The following WDR19 variants were observed in gnomAD, a reference collection of about 807,000 sequenced individuals.
WDR19 encodes WD repeat-containing protein 19.
In WDR19, 121 loss-of-function variants were observed where a neutral mutation model predicts 180.0. That is an observed-to-expected ratio of 0.67 (90% confidence interval 0.58 to 0.78). WDR19 has a LOEUF of 0.78. WDR19 is among the 30% of genes least tolerant of loss of function. The pLI is 0.00. For missense variants in WDR19, 1,450 were observed against 1,640.7 expected, an observed-to-expected ratio of 0.88 and a Z score of 2.01; for synonymous variants, 497 against 540.7, an observed-to-expected ratio of 0.92 and a Z score of 1.12.
intron 21 of WDR19, among the ~76,000 whole-genome samples, chr4:39,241,855 C>T (rs1332930462): frequency 6.6e-6 from 1 of 150,618 alleles, no homozygotes; most frequent in Non-Finnish European, 1.5e-5. Flanking sequence ...CCTCCATCCA[C>T]ACCCCTTAAT....
At chr4:39,278,067 ATTG>A in intron 34 of WDR19, 61 bp from the exon 35 acceptor site, 2 of 1,399,022 alleles carry the variant, frequency 1.4e-6, no homozygotes, top group Admixed American at 2.3e-5. Context: ...AAAAAAAAAA[ATTG>A]ACTAACAGTG....
intron 24 of WDR19, among the ~76,000 whole-genome samples, chr4:39,251,108 AT>A (rs762021730): frequency 1.4e-3 from 218 of 152,274 alleles, no homozygotes; most frequent in Non-Finnish European, 2.3e-3. Flanking sequence ...ACTTCAAACT[AT>A]ACTACAAGGC....
chr4:39,185,901 T>G, intron 2 of WDR19, 84 bp downstream of exon 2: 1 of 849,960 alleles, frequency 1.2e-6, no homozygotes, highest in East Asian at 3.6e-5. Flanking sequence ...TTTTTGTTGT[T>G]GTTTTTTTTT....
At chr4:39,197,425 C>CAAA (rs11343008) in intron 5 of WDR19, among the ~76,000 whole-genome samples, 4 of 113,326 alleles carry the variant, frequency 3.5e-5, no homozygotes, top group African/African-American at 1.4e-4. Flanking sequence ...GACTCTATCT[C>CAAA]AAAAAAAAAA....
At chr4:39,188,863 A>G (rs1725853207) in intron 3 of WDR19, among the ~76,000 whole-genome samples, 1 of 151,702 alleles carries the variant, frequency 6.6e-6, no homozygotes, top group Admixed American at 6.6e-5. Flanking sequence ...TAATCTTCCC[A>G]CTTCAGCCTC....
chr4:39,216,098 G>A lies in WDR19; in HGVS notation c.1137G>A (p.Glu379=), dbSNP rs1174185015. The A allele has an allele frequency of 6.3e-7, 1 of 1,577,198 alleles. No individual in the cohort carries two copies. Among genetic ancestry groups the A allele is most frequent in the Non-Finnish European group, 8.6e-7 (1 of 1,161,078 alleles). ...EVTVANPVEG[E]LPITVSVDVE... Reference sequence around the variant, plus strand: ...TATTACTATTTTCTTTATTATAGGAGCTACCAATCACAGTTTCTGTTGATG... The same window carrying A: ...TATTACTATTTTCTTTATTATAGGAACTACCAATCACAGTTTCTGTTGATG... The change falls in exon 12 of 37, where the codon GAG becomes GAA. Residue 379 remains glutamate (E), a splice_region_variant and synonymous_variant. Transcript: ENST00000399820.
intron 20 of WDR19, 97 bp from the exon 21 acceptor site, chr4:39,240,180 A>T (rs1731775245): frequency 9.2e-6 from 2 of 218,390 alleles, no homozygotes; most frequent in Non-Finnish European, 1.5e-5. Flanking sequence ...CTGTCTCTAA[A>T]AAAAAAAAAA....
At chr4:39,259,110 T>G (rs558333254) in intron 28 of WDR19, among the ~76,000 whole-genome samples, 55 of 152,272 alleles carry the variant, frequency 3.6e-4, no homozygotes, top group African/African-American at 1.3e-3. Flanking sequence ...GCCTATCCCA[T>G]GATCATGAAA....
chr4:39,271,402 T>C (rs1379863268), intron 31 of WDR19, among the ~76,000 whole-genome samples: 1 of 152,164 alleles, frequency 6.6e-6, no homozygotes, highest in Non-Finnish European at 1.5e-5. Context: ...AGTACTTGTA[T>C]GTATAATTTA....
intron 29 of WDR19, 108 bp from the exon 30 acceptor site, chr4:39,267,887 C>G (rs964854905): frequency 1.0e-6 from 1 of 991,074 alleles, no homozygotes; most frequent in African/African-American, 1.6e-5. Flanking sequence ...AAAGCAATAT[C>G]AATTCTCAGT....
chr4:39,185,547 G>C (rs1725424624), intron 1 of WDR19, among the ~76,000 whole-genome samples, 179 bp from the exon 2 acceptor site: 1 of 152,124 alleles, frequency 6.6e-6, no homozygotes, highest in Admixed American at 6.5e-5. Flanking sequence ...TGTATGTTTA[G>C]TTGGTTGGTT....
chr4:39,247,813 A>G (rs1225122308), intron 24 of WDR19, among the ~76,000 whole-genome samples: 3 of 152,176 alleles, frequency 2.0e-5, no homozygotes, highest in Non-Finnish European at 2.9e-5. Context: ...AAAAAAGAAT[A>G]AAAAGAAACG....
chr4:39,195,589 A>G (rs1219512768), intron 5 of WDR19, among the ~76,000 whole-genome samples: 1 of 152,100 alleles, frequency 6.6e-6, no homozygotes, highest in Non-Finnish European at 1.5e-5. Context: ...ACCTCTGGTC[A>G]CTTGGCATCT....
chr4:39,221,985 G>A (rs1450070482), intron 14 of WDR19, among the ~76,000 whole-genome samples: 3 of 152,256 alleles, frequency 2.0e-5, no homozygotes, highest in African/African-American at 7.2e-5. Flanking sequence ...CAACATTCAT[G>A]TTCAAGAAAC....
intron 23 of WDR19, among the ~76,000 whole-genome samples, chr4:39,244,907 G>A (rs1168775980): frequency 1.3e-5 from 2 of 151,110 alleles, no homozygotes; most frequent in African/African-American, 4.9e-5. Flanking sequence ...TTTACCTATA[G>A]GAGCCAAGAT....
rs754767677 is a variant in WDR19, at chr4:39,278,605, G to T, written c.3984G>T (p.Lys1328Asn). 1.2e-6 allele frequency: 2 copies of T among 1,613,666 alleles called. No individual in the cohort carries two copies. The highest frequency in any genetic ancestry group is 2.2e-5 in the South Asian group (2 of 91,028). Reference protein sequence around the residue: ...SERLNAAQLKKISDCTQYLRT... With the variant: ...SERLNAAQLKNISDCTQYLRT... ...GATTAAACGCTGCTCAGCTGAAAAAGATTTCAGACTGTACCCAGTACCTGC... is the reference window on the plus strand; with the variant it reads ...GATTAAACGCTGCTCAGCTGAAAAATATTTCAGACTGTACCCAGTACCTGC... The change falls in exon 36 of 37, where the codon AAG becomes AAT. Residue 1328 changes from lysine (K) to asparagine (N), a missense_variant. By Grantham distance (94) the Lys-to-Asn change is moderately conservative. Transcript: ENST00000399820.
chr4:39,203,538 T>C (rs1727593387), intron 6 of WDR19, 104 bp from the exon 7 acceptor site: 12 of 938,404 alleles, frequency 1.3e-5, no homozygotes, highest in Non-Finnish European at 1.9e-5. Context: ...AGGTTCTTAG[T>C]CCAACATTAG....
chr4:39,206,848 C>T (rs545952453), intron 9 of WDR19, among the ~76,000 whole-genome samples: 1 of 152,294 alleles, frequency 6.6e-6, no homozygotes, highest in African/African-American at 2.4e-5. Flanking sequence ...ACAGAAGGCT[C>T]CTTGAAACTT....
At chr4:39,244,647 T>C in intron 23 of WDR19, 95 bp downstream of exon 23, 1 of 1,299,844 alleles carries the variant, frequency 7.7e-7, no homozygotes, top group Non-Finnish European at 1.1e-6. Flanking sequence ...TTTCTCTCTG[T>C]CCATTCTGTT....
Sources: allele counts gnomAD v4.1 joint callset (sites outside exome capture counted in the v4.1 genomes callset), GRCh38; gene constraint gnomAD v4.1.1; transcripts MANE v1.5; gene names NCBI Gene and HGNC (gene_info 2026-07-23, HGNC 2026-07-21).